RAP1B: variants seen among roughly 807,000 people sequenced by gnomAD.
RAP1B encodes ras-related protein Rap-1b.
In RAP1B, 1 loss-of-function variant was observed where a neutral mutation model predicts 27.5. The ratio of observed to expected loss-of-function variants is 0.04; its 90% CI spans 0.01 to 0.17. The LOEUF (loss-of-function observed/expected upper bound fraction) is 0.17, where lower values mean the gene tolerates loss of function less well. RAP1B is among the 10% of genes least tolerant of loss of function. The probability of loss-of-function intolerance (pLI) is 1.00; values close to 1 mark genes in which losing one functional copy is unlikely to be tolerated. For synonymous variants in RAP1B, 75 were observed against 73.1 expected, an observed-to-expected ratio of 1.03 and a Z score of -0.13; for missense variants, 84 against 214.8, an observed-to-expected ratio of 0.39 and a Z score of 3.81.
rs962219680 is a variant in RAP1B, at chr12:68,648,574, T to A, written c.-26-125T>A. On this transcript the variant is annotated intron_variant, in intron 1 of 7. Coordinates refer to ENST00000250559, the MANE Select transcript of RAP1B (RefSeq NM_001010942.3). ...TTTAATAAGTCTGCTTATAGGGTGC[T>A]CCATACTAGGGTTGTATAGTAATCA... The A allele has an allele frequency of 6.8e-6, 5 of 731,518 alleles. 1 individual carries two copies. The Admixed American group carries it at 1.5e-4, about 21-fold the overall frequency. 45.3% of individuals were successfully genotyped at this position (731,518 alleles called of 1,614,324 possible).
At chr12:68,648,635 CTG>C in intron 1 of RAP1B, 62 bp from the exon 2 acceptor site, 1 of 1,263,840 alleles carries the variant, frequency 7.9e-7, no homozygotes. Context: ...TGTTTTATTT[CTG>C]TGAAAAGCAC....
chr12:68,617,632 T>C (rs1871121414), intron 1 of RAP1B, among the ~76,000 whole-genome samples: 1 of 152,188 alleles, frequency 6.6e-6, no homozygotes, highest in Non-Finnish European at 1.5e-5. Context: ...TAAAGCAAAA[T>C]GTGTACTTTC....
intron 3 of RAP1B, among the ~76,000 whole-genome samples, chr12:68,651,169 A>G (rs1347701698): frequency 6.6e-6 from 1 of 152,250 alleles, no homozygotes; most frequent in Non-Finnish European, 1.5e-5. Context: ...GATTTGGAAC[A>G]TTGCAAGTTT....
chr12:68,655,200 C>A (rs1445301865), intron 5 of RAP1B, among the ~76,000 whole-genome samples: 1 of 151,442 alleles, frequency 6.6e-6, no homozygotes, highest in African/African-American at 2.4e-5. Context: ...TGCCTGTGGT[C>A]TCAGCTATTT....
At chr12:68,632,506 T>G (rs1872339257) in intron 1 of RAP1B, among the ~76,000 whole-genome samples, 1 of 152,082 alleles carries the variant, frequency 6.6e-6, no homozygotes, top group African/African-American at 2.4e-5. Flanking sequence ...AAGATTATAC[T>G]CATATGTAGA....
intron 6 of RAP1B, 117 bp from the exon 7 acceptor site, chr12:68,656,984 G>C: frequency 1.1e-6 from 1 of 878,272 alleles, no homozygotes; most frequent in South Asian, 1.7e-5. Flanking sequence ...TTCCTTAGCT[G>C]AACAATTCTG....
At position 68,654,192 on chromosome 12, in the gene RAP1B, C is replaced by T. The variant is rs1388786034; in HGVS notation, c.264C>T (p.Ser88=). The T allele has an allele frequency of 6.2e-7, 1 of 1,602,098 alleles. No individual in the cohort carries two copies. Among genetic ancestry groups the T allele is most frequent in the Admixed American group, 1.7e-5 (1 of 59,872 alleles). Residue 88 remains serine (S), a synonymous_variant, in exon 5 of 8, where the codon TCC becomes TCT. Transcript: ENST00000250559. ...FALVYSITAQ[S]TFNDLQDLRE... ...TAGTTTATTCCATCACAGCACAGTC[C>T]ACATTTAACGATTTACAAGACCTGA...
In RAP1B at chr12:68,662,015, T is replaced by TA. The variant is rs1417689311; in HGVS notation, c.*2767dup. ...CAGTGCTATCCTCTAGGTCTATATATATATATATATATATATATTATATAT... is the reference window on the plus strand; with the variant it reads ...CAGTGCTATCCTCTAGGTCTATATATAATATATATATATATATATTATATAT... On this transcript the variant is annotated 3_prime_UTR_variant, in exon 8 of 8. Coordinates refer to ENST00000250559, the MANE Select transcript of RAP1B (RefSeq NM_001010942.3). 6.9e-6 allele frequency: 1 copy of TA among 144,660 alleles called. No homozygotes were observed. Among genetic ancestry groups the TA allele is most frequent in the Non-Finnish European group, 1.5e-5 (1 of 66,244 alleles). The allele number at this position is 144,660 out of a possible 1,614,324, so 9.0% of individuals were successfully genotyped here. A position where few individuals can be genotyped will look rare whatever the true frequency, so the allele number is the denominator to read the frequency against.
intron 1 of RAP1B, among the ~76,000 whole-genome samples, chr12:68,635,306 A>G (rs908882920): frequency 2.0e-5 from 3 of 152,160 alleles, no homozygotes; most frequent in Non-Finnish European, 2.9e-5. Flanking sequence ...GAATTAGTTG[A>G]TTTTATTTGG....
At chr12:68,636,653 G>A (rs1450165909) in intron 1 of RAP1B, among the ~76,000 whole-genome samples, 1 of 152,014 alleles carries the variant, frequency 6.6e-6, no homozygotes, top group African/African-American at 2.4e-5. Context: ...GTCTTGAGCA[G>A]TCTTCCCACC....
rs1334576059 is a variant in RAP1B at position 68,662,234 on chromosome 12, T to C, written c.*2985T>C. The C allele has an allele frequency of 2.6e-5, 4 of 151,730 alleles. No homozygotes were observed. The highest frequency in any genetic ancestry group is 9.7e-5 in the African/African-American group (4 of 41,358). 9.4% of individuals were successfully genotyped at this position (151,730 alleles called of 1,614,324 possible). ...CATGTAGATTGACTTTTCTGGTGCTTAATGGGAAAATACTAAAATAATTGA... is the reference window on the plus strand; with the variant it reads ...CATGTAGATTGACTTTTCTGGTGCTCAATGGGAAAATACTAAAATAATTGA... On this transcript the variant is annotated 3_prime_UTR_variant, in exon 8 of 8. Coordinates refer to ENST00000250559, the MANE Select transcript of RAP1B (RefSeq NM_001010942.3).
chr12:68,632,955 A>G (rs1217572555), intron 1 of RAP1B, among the ~76,000 whole-genome samples: 4 of 152,146 alleles, frequency 2.6e-5, no homozygotes, highest in African/African-American at 7.2e-5. Flanking sequence ...TATAGATGTG[A>G]GCTATCATGC....
chr12:68,615,985 A>G (rs765988099), intron 1 of RAP1B, among the ~76,000 whole-genome samples: 5 of 148,104 alleles, frequency 3.4e-5, no homozygotes, highest in Non-Finnish European at 5.9e-5. Flanking sequence ...TTTTTTTGAG[A>G]TGGAGTCCCA....
Position 68,662,035 on chromosome 12 carries a change from A to ATATATATAT in RAP1B, c.*2792_*2793insTATTATATA, listed in dbSNP as rs1565677514. On this transcript the variant is annotated 3_prime_UTR_variant, in exon 8 of 8. Coordinates refer to ENST00000250559, the MANE Select transcript of RAP1B (RefSeq NM_001010942.3). Reference sequence around the variant, plus strand: ...ATATATATATATATATATATATATTATATATAGTACATATATAGAGAGAGT... The same window carrying ATATATATAT: ...ATATATATATATATATATATATATTATATATATATTATATAGTACATATATAGAGAGAGT... 6 of 132,842 alleles carry ATATATATAT rather than the reference A, an allele frequency of 4.5e-5. No individual in the cohort carries two copies. In the East Asian group the frequency reaches 6.1e-4, roughly 13 times the overall value. The allele number at this position is 132,842 out of a possible 1,614,324, so 8.2% of individuals were successfully genotyped here. A position where few individuals can be genotyped will look rare whatever the true frequency, so the allele number is the denominator to read the frequency against.
intron 5 of RAP1B, 27 bp downstream of exon 5, chr12:68,654,279 T>G: frequency 7.1e-7 from 1 of 1,407,844 alleles, no homozygotes; most frequent in Non-Finnish European, 9.5e-7. Flanking sequence ...ATAAATATAT[T>G]TTATTTCAAA....
intron 1 of RAP1B, among the ~76,000 whole-genome samples, chr12:68,627,557 G>A (rs940620224): frequency 6.6e-6 from 1 of 152,008 alleles, no homozygotes; most frequent in South Asian, 2.1e-4. Flanking sequence ...TTCACCTCTC[G>A]TTATTCCCAG....
chr12:68,642,631 C>G (rs1361658019), intron 1 of RAP1B: 1 of 1,044,120 alleles, frequency 9.6e-7, no homozygotes, highest in East Asian at 2.4e-5. Context: ...GAATTAAGTT[C>G]TTCATCTTCT....
At chr12:68,611,552 C>G (rs896982911) in intron 1 of RAP1B, among the ~76,000 whole-genome samples, 3 of 152,092 alleles carry the variant, frequency 2.0e-5, no homozygotes, top group East Asian at 3.9e-4. Context: ...CAGCCCCGAG[C>G]TAGGGCGAGG....
chr12:68,611,361 C>A (rs1256631713), intron 1 of RAP1B, among the ~76,000 whole-genome samples: 2 of 143,906 alleles, frequency 1.4e-5, no homozygotes, highest in African/African-American at 2.5e-5. Context: ...CCCACCCGCC[C>A]GCTCTCTTCA....
Sources: gnomAD v4.1 joint callset for allele counts (sites outside exome capture counted in the v4.1 genomes callset) on GRCh38, gnomAD v4.1.1 for gene constraint, MANE v1.5 for transcripts, NCBI Gene and HGNC (gene_info 2026-07-23, HGNC 2026-07-21) for gene names.